MCHR2: variants seen among roughly 807,000 people sequenced by gnomAD.
MCHR2 encodes melanin concentrating hormone receptor 2.
MCHR2 carries 15 observed loss-of-function variants against 24.8 expected under a neutral mutation model. The ratio of observed to expected loss-of-function variants is 0.60; its 90% CI spans 0.40 to 0.93. The LOEUF is 0.93. Ranked by LOEUF, MCHR2 falls within the 40% of genes least tolerant of loss-of-function variation. MCHR2 has a pLI of 0.00. For synonymous variants in MCHR2, 151 were observed against 147.6 expected, an observed-to-expected ratio of 1.02 and a Z score of -0.17; for missense variants, 386 against 408.7, an observed-to-expected ratio of 0.94 and a Z score of 0.48.
intron 1 of MCHR2, among the ~76,000 whole-genome samples, chr6:99,972,358 G>A (rs978955026): frequency 6.6e-6 from 1 of 150,698 alleles, no homozygotes; most frequent in Non-Finnish European, 1.5e-5. Context: ...TAGAGGTGTT[G>A]GTAGTATTCT....
chr6:99,976,268 A>T (rs1167531745), intron 1 of MCHR2, among the ~76,000 whole-genome samples: 1 of 152,226 alleles, frequency 6.6e-6, no homozygotes, highest in Non-Finnish European at 1.5e-5. Context: ...ATGATGATAT[A>T]ACATCCATTT....
intron 1 of MCHR2, among the ~76,000 whole-genome samples, chr6:99,969,225 C>T (rs1317212492): frequency 1.3e-5 from 2 of 151,998 alleles, no homozygotes; most frequent in African/African-American, 2.4e-5. Flanking sequence ...CCTGTAATCC[C>T]AGCACTTTGG....
At chr6:99,968,046 A>G (rs1775326538) in intron 1 of MCHR2, among the ~76,000 whole-genome samples, 1 of 152,236 alleles carries the variant, frequency 6.6e-6, no homozygotes, top group South Asian at 2.1e-4. Context: ...TTAATGTGAT[A>G]ATCCAAAAAA....
chr6:99,963,166 TTGGAACTC>T (rs1775230397), intron 1 of MCHR2, among the ~76,000 whole-genome samples: 1 of 151,976 alleles, frequency 6.6e-6, no homozygotes. Context: ...TGTGGAAAAG[TTGGAACTC>T]TTGTGTACTT....
At chr6:99,986,309 T>A (rs982233837) in intron 1 of MCHR2, among the ~76,000 whole-genome samples, 1 of 152,146 alleles carries the variant, frequency 6.6e-6, no homozygotes, top group Non-Finnish European at 1.5e-5. Flanking sequence ...GATATAGTCA[T>A]CTCATCACTG....
chr6:99,927,016 G>A (rs1183462001), intron 5 of MCHR2, among the ~76,000 whole-genome samples: 2 of 152,100 alleles, frequency 1.3e-5, no homozygotes, highest in African/African-American at 2.4e-5. Flanking sequence ...TTTTGTATAA[G>A]GTGTAAGGAA....
At chr6:99,930,146 T>TA (rs201564105) in intron 5 of MCHR2, among the ~76,000 whole-genome samples, 2,932 of 152,238 alleles carry the variant, frequency 0.019, 58 homozygotes, top group African/African-American at 0.046. Flanking sequence ...TTCTTTTCTT[T>TA]AAGAATGTTG....
At chr6:99,957,306 C>T (rs1331214544) in intron 1 of MCHR2, among the ~76,000 whole-genome samples, 1 of 152,004 alleles carries the variant, frequency 6.6e-6, no homozygotes, top group Non-Finnish European at 1.5e-5. Flanking sequence ...CCCTCTATTC[C>T]CAGTTCAGCA....
chr6:99,934,076 T>C (rs190802912), intron 5 of MCHR2, among the ~76,000 whole-genome samples: 3 of 152,200 alleles, frequency 2.0e-5, no homozygotes, highest in East Asian at 3.9e-4. Flanking sequence ...TACATATGCA[T>C]GCAACTCTGC....
intron 1 of MCHR2, among the ~76,000 whole-genome samples, chr6:99,962,762 A>G (rs1582396453): frequency 6.6e-6 from 1 of 152,126 alleles, no homozygotes; most frequent in Admixed American, 6.6e-5. Flanking sequence ...CACTGAACTA[A>G]AAAGCTTCTG....
chr6:99,993,443 A>G (rs995506245), intron 1 of MCHR2, among the ~76,000 whole-genome samples: 3 of 152,136 alleles, frequency 2.0e-5, no homozygotes, highest in African/African-American at 7.2e-5. Flanking sequence ...CGTACAGGGG[A>G]CACGGGGATC....
chr6:99,946,887 G>T (rs1391946847), intron 3 of MCHR2, among the ~76,000 whole-genome samples: 1 of 152,050 alleles, frequency 6.6e-6, no homozygotes, highest in Non-Finnish European at 1.5e-5. Context: ...TTCTGTTTGG[G>T]GTGAGCTGCT....
intron 1 of MCHR2, among the ~76,000 whole-genome samples, chr6:99,973,998 T>G (rs996542723): frequency 6.6e-6 from 1 of 152,218 alleles, no homozygotes; most frequent in African/African-American, 2.4e-5. Context: ...TAACATTTTT[T>G]CCTTCATTTC....
chr6:99,980,513 T>C (rs920672953), intron 1 of MCHR2, among the ~76,000 whole-genome samples: 1 of 151,758 alleles, frequency 6.6e-6, no homozygotes, highest in African/African-American at 2.4e-5. Context: ...AAATAGTCAA[T>C]GGGATGGACT....
intron 1 of MCHR2, among the ~76,000 whole-genome samples, chr6:99,972,028 T>C (rs1423048530): frequency 6.6e-6 from 1 of 152,246 alleles, no homozygotes; most frequent in Non-Finnish European, 1.5e-5. Flanking sequence ...TTCTCTTTTT[T>C]TGTTGTATCT....
At chr6:99,966,829 G>C (rs7740247) in intron 1 of MCHR2, among the ~76,000 whole-genome samples, 2,905 of 151,930 alleles carry the variant, frequency 0.019, 59 homozygotes, top group African/African-American at 0.046. Flanking sequence ...CAATTCTTCA[G>C]TATGATTTCA....
intron 5 of MCHR2, among the ~76,000 whole-genome samples, chr6:99,926,826 A>C (rs1486664642): frequency 6.6e-6 from 1 of 152,002 alleles, no homozygotes; most frequent in Non-Finnish European, 1.5e-5. Context: ...GCTGTGCCGA[A>C]GCTCTTCAGT....
chr6:99,977,987 A>G (rs1775585999), intron 1 of MCHR2, among the ~76,000 whole-genome samples: 1 of 152,224 alleles, frequency 6.6e-6, no homozygotes. Flanking sequence ...CTCAAAAATT[A>G]TACCCACGAA....
chr6:99,969,508 G>GAGAAGGA (rs1360886982), intron 1 of MCHR2, among the ~76,000 whole-genome samples: 1 of 147,148 alleles, frequency 6.8e-6, no homozygotes, highest in Admixed American at 6.8e-5. Context: ...GAAAACTCAA[G>GAGAAGGA]AGAAGGAAGC....
Sources: gnomAD v4.1 joint callset for allele counts (sites outside exome capture counted in the v4.1 genomes callset) on GRCh38, gnomAD v4.1.1 for gene constraint, MANE v1.5 for transcripts, NCBI Gene and HGNC (gene_info 2026-07-23, HGNC 2026-07-21) for gene names.